PDE1C: variants seen among roughly 807,000 people sequenced by gnomAD.
PDE1C encodes dual specificity calcium/calmodulin-dependent 3',5'-cyclic nucleotide phosphodiesterase 1C.
Under a neutral mutation model 93.1 loss-of-function variants are expected in PDE1C, and 62 were observed. The ratio of observed to expected loss-of-function variants is 0.67; its 90% CI spans 0.54 to 0.82. The LOEUF is 0.82. PDE1C is among the 40% of genes least tolerant of loss of function. PDE1C has a pLI of 0.00. For missense variants in PDE1C, 742 were observed against 884.6 expected, an observed-to-expected ratio of 0.84 and a Z score of 2.04; for synonymous variants, 325 against 310.1, an observed-to-expected ratio of 1.05 and a Z score of -0.50.
intron 3 of PDE1C, among the ~76,000 whole-genome samples, chr7:32,127,610 A>G (rs1799659297): frequency 6.6e-6 from 1 of 152,120 alleles, no homozygotes; most frequent in Non-Finnish European, 1.5e-5. Context: ...TTTAAAAATT[A>G]CTTTCTCATA....
chr7:32,144,035 A>C (rs1284279951), intron 3 of PDE1C, among the ~76,000 whole-genome samples: 1 of 152,132 alleles, frequency 6.6e-6, no homozygotes, highest in African/African-American at 2.4e-5. Flanking sequence ...TGGGCATCCC[A>C]GGCAATGAGC....
intron 15 of PDE1C, 68 bp downstream of exon 15, chr7:31,815,856 C>A: frequency 8.4e-7 from 1 of 1,191,158 alleles, no homozygotes; most frequent in South Asian, 1.2e-5. Context: ...TAGGGTTGTT[C>A]ACCAGTTTCC....
chr7:31,679,861 G>T, the PDE1C span, among the ~76,000 whole-genome samples: 1 of 152,150 alleles, frequency 6.6e-6, no homozygotes, highest in Non-Finnish European at 1.5e-5. Flanking sequence ...TTCCTTTATT[G>T]TGCTGCCTCT....
At chr7:31,761,994 C>T (rs529984985) in intron 17 of PDE1C, among the ~76,000 whole-genome samples, 2 of 152,354 alleles carry the variant, frequency 1.3e-5, no homozygotes, top group Admixed American at 1.3e-4. Flanking sequence ...CAGCACAGTG[C>T]TGACACATAG....
intron 1 of PDE1C, among the ~76,000 whole-genome samples, chr7:32,240,188 T>C (rs988938033): frequency 1.3e-5 from 2 of 152,240 alleles, no homozygotes; most frequent in African/African-American, 4.8e-5. Flanking sequence ...AGGGTAGGTG[T>C]ATGCACATTA....
chr7:31,929,655 G>T (rs576169665), intron 2 of PDE1C, among the ~76,000 whole-genome samples: 1 of 152,148 alleles, frequency 6.6e-6, no homozygotes, highest in Non-Finnish European at 1.5e-5. Flanking sequence ...CAACTACATG[G>T]AAATGGAACA....
intron 1 of PDE1C, among the ~76,000 whole-genome samples, chr7:32,249,572 G>A (rs777008666): frequency 3.3e-5 from 5 of 152,184 alleles, no homozygotes; most frequent in African/African-American, 4.8e-5. Context: ...CTATTTCTGA[G>A]AGTTGATCTT....
chr7:31,724,846 T>G, the PDE1C span, among the ~76,000 whole-genome samples: 1 of 152,206 alleles, frequency 6.6e-6, no homozygotes, highest in African/African-American at 2.4e-5. Flanking sequence ...GTTGCAAAAC[T>G]GTTTTGGGAC....
In PDE1C at chr7:31,837,280, A is replaced by G; in HGVS notation, c.1103T>C (p.Leu368Ser). Reference sequence around the variant, plus strand: ...ATCTGCTGTATGCAGCATAAGGGATAAGGCTTTTGGCTTTTCAATGCTGTA... The same window carrying G: ...ATCTGCTGTATGCAGCATAAGGGATGAGGCTTTTGGCTTTTCAATGCTGTA... The part of the protein sequence containing the change: ...QPEAIEKPKA[L>S]SLMLHTADIS... Residue 368 changes from leucine (L) to serine (S), a missense_variant, in exon 11 of 18, where the codon TTA becomes TCA. Physicochemically the swap from Leu to Ser is moderately radical, Grantham distance 145 (BLOSUM62 -2). This residue lies in a region of PDE1C where 454 missense variants were observed against 459.4 expected (regional missense o/e 0.99). Transcript: ENST00000396191. 6.2e-7 allele frequency: 1 copy of G among 1,612,572 alleles called. No individual in the cohort carries two copies. Among genetic ancestry groups the G allele is most frequent in the Non-Finnish European group, 8.5e-7 (1 of 1,179,156 alleles).
At chr7:31,994,979 T>C (rs1784549889) in intron 2 of PDE1C, among the ~76,000 whole-genome samples, 1 of 152,012 alleles carries the variant, frequency 6.6e-6, no homozygotes, top group Non-Finnish European at 1.5e-5. Flanking sequence ...TCCTTAACCA[T>C]GGAACAAAAA....
intron 17 of PDE1C, among the ~76,000 whole-genome samples, chr7:31,769,812 T>C (rs1795368557): frequency 6.6e-6 from 1 of 152,262 alleles, no homozygotes; most frequent in Non-Finnish European, 1.5e-5. Flanking sequence ...TTTCTGTCTC[T>C]ATGGATTAGC....
intron 3 of PDE1C, among the ~76,000 whole-genome samples, chr7:32,139,281 AG>A (rs1452925087): frequency 1.3e-5 from 2 of 148,906 alleles, no homozygotes; most frequent in East Asian, 4.0e-4. Context: ...GACTACAAGC[AG>A]GCAACACCAA....
chr7:31,641,197 T>C, the PDE1C span, among the ~76,000 whole-genome samples: 1 of 152,322 alleles, frequency 6.6e-6, no homozygotes, highest in South Asian at 2.1e-4. Flanking sequence ...GCTGGGATCA[T>C]TTCCCTCCCT....
chr7:31,930,616 G>A (rs987932361), intron 2 of PDE1C, among the ~76,000 whole-genome samples: 16 of 151,988 alleles, frequency 1.1e-4, no homozygotes, highest in East Asian at 5.8e-4. Context: ...CAAGGCAGGC[G>A]GATCACGAGG....
chr7:32,007,612 T>C (rs1217881241), intron 2 of PDE1C, among the ~76,000 whole-genome samples: 1 of 152,214 alleles, frequency 6.6e-6, no homozygotes, highest in Non-Finnish European at 1.5e-5. Flanking sequence ...GTCCACACTA[T>C]ATTTATTTGC....
chr7:32,163,645 T>C (rs115651546), intron 3 of PDE1C, among the ~76,000 whole-genome samples: 2 of 152,214 alleles, frequency 1.3e-5, no homozygotes, highest in African/African-American at 4.8e-5. Flanking sequence ...AAGTGCAAAA[T>C]TATCAAAACC....
the PDE1C span, among the ~76,000 whole-genome samples, chr7:31,623,497 C>T: frequency 6.6e-6 from 1 of 151,056 alleles, no homozygotes; most frequent in South Asian, 2.2e-4. Flanking sequence ...GAACCAAAGA[C>T]AAAAATGACA....
chr7:31,722,852 C>G, the PDE1C span, among the ~76,000 whole-genome samples: 2 of 152,112 alleles, frequency 1.3e-5, no homozygotes, highest in Non-Finnish European at 2.9e-5. Context: ...TACTGTTTAT[C>G]CCTCCAGTTC....
intron 2 of PDE1C, among the ~76,000 whole-genome samples, chr7:32,021,132 G>A (rs558526349): frequency 3.3e-5 from 5 of 152,210 alleles, no homozygotes; most frequent in East Asian, 3.9e-4. Context: ...TGCCCCTCCT[G>A]ATAGTGGTTC....
Sources: allele counts gnomAD v4.1 joint callset (sites outside exome capture counted in the v4.1 genomes callset), GRCh38; gene constraint gnomAD v4.1.1; regional missense constraint gnomAD v4.1.1; transcripts MANE v1.5; gene names NCBI Gene and HGNC (gene_info 2026-07-23, HGNC 2026-07-21).